The following NRG3 variants were observed in gnomAD, a reference collection of about 807,000 sequenced individuals.
The protein encoded by NRG3 is pro-neuregulin-3, membrane-bound isoform.
A neutral mutation model predicts 66.9 loss-of-function variants in NRG3; 31 were observed. The observed-to-expected ratio is 0.46, with a 90% CI of 0.35 to 0.63. The LOEUF is 0.63. NRG3 is among the 20% of genes least tolerant of loss of function. NRG3 has a pLI of 0.00. For missense variants in NRG3, 910 were observed against 878.9 expected, an observed-to-expected ratio of 1.04 and a Z score of -0.45; for synonymous variants, 393 against 359.4, an observed-to-expected ratio of 1.09 and a Z score of -1.06.
chr10:82,697,841 TAA>T, intron 2 of NRG3, among the ~76,000 whole-genome samples: 1 of 152,168 alleles, frequency 6.6e-6, no homozygotes, highest in Middle Eastern at 3.4e-3. Flanking sequence ...TGTCACTCTG[TAA>T]TTGGCCTGCG....
At chr10:82,408,508 T>C (rs549996113) in intron 2 of NRG3, among the ~76,000 whole-genome samples, 1 of 151,972 alleles carries the variant, frequency 6.6e-6, no homozygotes, top group Non-Finnish European at 1.5e-5. Context: ...TCACATGAAG[T>C]TAAATGGTTA....
intron 3 of NRG3, among the ~76,000 whole-genome samples, chr10:82,825,968 G>A (rs1332933000): frequency 6.6e-6 from 1 of 152,124 alleles, no homozygotes; most frequent in Non-Finnish European, 1.5e-5. Flanking sequence ...TGTGTGTCTA[G>A]ATGTTTACAG....
At chr10:82,841,239 C>T (rs1315400746) in intron 3 of NRG3, among the ~76,000 whole-genome samples, 2 of 152,074 alleles carry the variant, frequency 1.3e-5, no homozygotes, top group Non-Finnish European at 2.9e-5. Context: ...CCTGCTAACC[C>T]CTTGATTTAG....
Position 82,131,191 on chromosome 10 carries a change from A to T in NRG3, c.824-227548A>T, listed in dbSNP as rs117151248. On this transcript the variant is annotated intron_variant, in intron 1 of 8. Transcript: ENST00000372141. ...ATTGTTTGAGGTCTTAGATTTAAGT[A>T]TTTAATCCATTTTGATTTGATTTCT... Among the ~76,000 whole-genome samples the T allele has an allele frequency of 8.5e-3, 1,298 of 152,204 alleles. 11 individuals are homozygous for T. The highest frequency in any genetic ancestry group is 0.014 in the Non-Finnish European group (964 of 67,996).
chr10:82,558,076 A>G (rs1254998129), intron 2 of NRG3, among the ~76,000 whole-genome samples: 2 of 152,224 alleles, frequency 1.3e-5, no homozygotes, highest in Admixed American at 6.5e-5. Flanking sequence ...AGGATTTGAC[A>G]TTTCTAACAA....
At chr10:82,621,001 A>G (rs922826821) in intron 2 of NRG3, among the ~76,000 whole-genome samples, 18 of 152,216 alleles carry the variant, frequency 1.2e-4, no homozygotes, top group African/African-American at 4.3e-4. Flanking sequence ...TAGTATTTAT[A>G]ATATCTTAGT....
intron 2 of NRG3, among the ~76,000 whole-genome samples, chr10:82,369,723 A>C (rs2084764613): frequency 1.4e-5 from 2 of 138,778 alleles, no homozygotes; most frequent in Non-Finnish European, 3.0e-5. Context: ...ATTTGATTAC[A>C]CTCAAATTCA....
At chr10:82,397,879 C>T (rs376027619) in intron 2 of NRG3, among the ~76,000 whole-genome samples, 53 of 152,272 alleles carry the variant, frequency 3.5e-4, no homozygotes, top group African/African-American at 1.2e-3. Flanking sequence ...CAGCTGCCTC[C>T]TGAGAGAGGG....
intron 2 of NRG3, among the ~76,000 whole-genome samples, chr10:82,459,282 G>A (rs1288039102): frequency 6.6e-6 from 1 of 152,158 alleles, no homozygotes; most frequent in Non-Finnish European, 1.5e-5. Flanking sequence ...TGAGGGCCCT[G>A]CACCTACTTC....
chr10:82,609,398 A>G (rs571621213), intron 2 of NRG3, among the ~76,000 whole-genome samples: 1 of 152,288 alleles, frequency 6.6e-6, no homozygotes, highest in African/African-American at 2.4e-5. Context: ...AGGCAAGTTC[A>G]AGGGGCCTGC....
At chr10:81,961,702 G>C (rs1173625979) in intron 1 of NRG3, among the ~76,000 whole-genome samples, 1 of 152,238 alleles carries the variant, frequency 6.6e-6, no homozygotes, top group Non-Finnish European at 1.5e-5. Context: ...TTGGCCAGCT[G>C]TTCTTTGTAA....
At chr10:81,954,687 G>T (rs1364929427) in intron 1 of NRG3, among the ~76,000 whole-genome samples, 1 of 152,084 alleles carries the variant, frequency 6.6e-6, no homozygotes, top group Non-Finnish European at 1.5e-5. Context: ...GGAGGGGTGG[G>T]TGTGAATGAG....
At chr10:82,786,260 G>A (rs1296104884) in intron 3 of NRG3, among the ~76,000 whole-genome samples, 1 of 152,172 alleles carries the variant, frequency 6.6e-6, no homozygotes, top group Admixed American at 6.6e-5. Context: ...TGGGTGGACT[G>A]AGCCAAACAA....
chr10:82,690,106 T>C (rs569448814), intron 2 of NRG3, among the ~76,000 whole-genome samples: 35 of 152,326 alleles, frequency 2.3e-4, no homozygotes, highest in African/African-American at 8.4e-4. Flanking sequence ...GATGCCTTCA[T>C]TTTCATAATT....
intron 1 of NRG3, among the ~76,000 whole-genome samples, chr10:82,349,753 G>A (rs1456933598): frequency 1.3e-5 from 2 of 152,348 alleles, no homozygotes; most frequent in East Asian, 1.9e-4. Context: ...CCAGGTGCGG[G>A]ATAGAATCTC....
At position 82,544,903 on chromosome 10, in the gene NRG3, G is replaced by A. The variant is rs552335245; in HGVS notation, c.953+186035G>A. 5.9e-5 allele frequency among the ~76,000 whole-genome samples: 9 copies of A among 152,168 alleles called. No homozygotes were observed. The South Asian group carries it at 1.2e-3, about 21-fold the overall frequency. ...AACCAGGAGCTTCAATATTACTTTC[G>A]TACCTACCAGCTTCCATTTTCAGCA... On this transcript the variant is annotated intron_variant, in intron 2 of 8. Coordinates refer to ENST00000372141, the MANE Select transcript of NRG3 (RefSeq NM_001010848.4).
intron 1 of NRG3, among the ~76,000 whole-genome samples, chr10:81,904,435 C>G (rs1172165044): frequency 2.0e-5 from 3 of 152,050 alleles, no homozygotes; most frequent in Non-Finnish European, 4.4e-5. Context: ...TGTTCCCAGA[C>G]AGAAAGGGTT....
chr10:82,859,910 A>G (rs1189955874), intron 3 of NRG3, among the ~76,000 whole-genome samples: 1 of 152,092 alleles, frequency 6.6e-6, no homozygotes, highest in Non-Finnish European at 1.5e-5. Context: ...AGTGTTTTCC[A>G]GGAATTTTTG....
At chr10:82,284,012 A>AT (rs1471635776) in intron 1 of NRG3, among the ~76,000 whole-genome samples, 1 of 152,238 alleles carries the variant, frequency 6.6e-6, no homozygotes, top group Non-Finnish European at 1.5e-5. Context: ...CATTGCGAGC[A>AT]TTGCGATTTC....
Sources: gnomAD v4.1 joint callset for allele counts (sites outside exome capture counted in the v4.1 genomes callset) on GRCh38, gnomAD v4.1.1 for gene constraint, MANE v1.5 for transcripts, NCBI Gene and HGNC (gene_info 2026-07-23, HGNC 2026-07-21) for gene names.